The following EFCAB11 variants were observed in gnomAD, a reference collection of about 807,000 sequenced individuals.
The protein encoded by EFCAB11 is EF-hand calcium binding domain 11.
In EFCAB11, 14 loss-of-function variants were observed where a neutral mutation model predicts 23.0. The ratio of observed to expected loss-of-function variants is 0.61; its 90% CI spans 0.40 to 0.95. EFCAB11 has a LOEUF of 0.95. Ranked by LOEUF, EFCAB11 falls within the 40% of genes least tolerant of loss-of-function variation. The pLI is 0.00. For synonymous variants in EFCAB11, 65 were observed against 66.6 expected, an observed-to-expected ratio of 0.98 and a Z score of 0.11; for missense variants, 198 against 195.8, an observed-to-expected ratio of 1.01 and a Z score of -0.07.
chr14:89,823,228 A>G lies in EFCAB11; in HGVS notation c.411-25904T>C, dbSNP rs8021351. Among the ~76,000 whole-genome samples the G allele has an allele frequency of 6.5e-3, 996 of 152,330 alleles. 8 individuals carry two copies. Among genetic ancestry groups the G allele is most frequent in the African/African-American group, 0.023 (958 of 41,576 alleles). On this transcript the variant is annotated intron_variant, in intron 5 of 5. Coordinates refer to ENST00000316738, the MANE Select transcript of EFCAB11 (RefSeq NM_145231.4). ...TGCAGAGGATCACATGAAAAGGAAT[A>G]TGGGCATCCACCAGGGCCAGAGAGT...
chr14:89,847,191 T>A (rs1023944148), intron 5 of EFCAB11, among the ~76,000 whole-genome samples: 1 of 152,220 alleles, frequency 6.6e-6, no homozygotes, highest in African/African-American at 2.4e-5. Context: ...ATAACCTTTT[T>A]AAATTCTTAC....
At chr14:89,938,348 A>G (rs1890666795) in intron 3 of EFCAB11, among the ~76,000 whole-genome samples, 1 of 152,218 alleles carries the variant, frequency 6.6e-6, no homozygotes, top group Non-Finnish European at 1.5e-5. Context: ...CAAAAGACAT[A>G]ATGCCTTCTC....
At chr14:89,815,068 T>C (rs1663222282) in intron 5 of EFCAB11, among the ~76,000 whole-genome samples, 1 of 152,186 alleles carries the variant, frequency 6.6e-6, no homozygotes, top group African/African-American at 2.4e-5. Flanking sequence ...ATGACTTTGG[T>C]GTGCAGTTAG....
At chr14:89,841,034 G>A (rs1255117922) in intron 5 of EFCAB11, among the ~76,000 whole-genome samples, 1 of 152,112 alleles carries the variant, frequency 6.6e-6, no homozygotes, top group South Asian at 2.1e-4. Context: ...CCAGTCTCCC[G>A]TGTCTTCTTC....
chr14:89,838,563 A>G (rs1451076281), intron 5 of EFCAB11, among the ~76,000 whole-genome samples: 4 of 152,168 alleles, frequency 2.6e-5, no homozygotes, highest in Admixed American at 2.6e-4. Context: ...TAATGCTGCA[A>G]ATATCAGATT....
At chr14:89,920,927 T>C (rs892438132) in intron 5 of EFCAB11, among the ~76,000 whole-genome samples, 1 of 151,814 alleles carries the variant, frequency 6.6e-6, no homozygotes, top group Non-Finnish European at 1.5e-5. Flanking sequence ...TAGCTGCGCA[T>C]AGTGGTGGGC....
At chr14:89,841,518 T>C (rs1038976192) in intron 5 of EFCAB11, among the ~76,000 whole-genome samples, 1 of 151,928 alleles carries the variant, frequency 6.6e-6, no homozygotes, top group African/African-American at 2.4e-5. Context: ...TCTACTGATA[T>C]TGTTCTGGAA....
intron 5 of EFCAB11, among the ~76,000 whole-genome samples, chr14:89,887,111 G>C (rs1487491119): frequency 6.6e-6 from 1 of 152,160 alleles, no homozygotes; most frequent in Non-Finnish European, 1.5e-5. Flanking sequence ...TTCAAGAACA[G>C]ACAACATCAC....
intron 5 of EFCAB11, among the ~76,000 whole-genome samples, chr14:89,871,645 T>C (rs10144047): frequency 0.022 from 3,333 of 152,328 alleles, 153 homozygotes; most frequent in African/African-American, 0.075. Context: ...AGTTTTCCCA[T>C]GTTACTAATG....
intron 5 of EFCAB11, among the ~76,000 whole-genome samples, chr14:89,842,612 GAT>G (rs1251467666): frequency 6.7e-6 from 1 of 149,484 alleles, no homozygotes; most frequent in Non-Finnish European, 1.5e-5. Context: ...GATATGATAT[GAT>G]ATGATATGAT....
chr14:89,951,249 T>C (rs1369606908), intron 2 of EFCAB11, among the ~76,000 whole-genome samples: 1 of 152,206 alleles, frequency 6.6e-6, no homozygotes, highest in Non-Finnish European at 1.5e-5. Flanking sequence ...TTTCTCTTAA[T>C]TGGTGGCATT....
At chr14:89,925,949 C>T (rs1361128996) in intron 5 of EFCAB11, among the ~76,000 whole-genome samples, 1 of 152,126 alleles carries the variant, frequency 6.6e-6, no homozygotes, top group Non-Finnish European at 1.5e-5. Context: ...GTGCCTCAGC[C>T]TCCTGAGTAG....
chr14:89,860,848 G>C (rs536670969), intron 5 of EFCAB11, among the ~76,000 whole-genome samples: 2 of 152,180 alleles, frequency 1.3e-5, no homozygotes, highest in African/African-American at 4.8e-5. Context: ...GTCAGTTAAG[G>C]AGTAAATTTC....
intron 2 of EFCAB11, among the ~76,000 whole-genome samples, chr14:89,952,918 C>T (rs950244655): frequency 6.6e-6 from 1 of 152,068 alleles, no homozygotes; most frequent in African/African-American, 2.4e-5. Flanking sequence ...CTGACTAATT[C>T]CAGCTTAACA....
At chr14:89,877,808 CCCTT>C (rs1446176791) in intron 5 of EFCAB11, among the ~76,000 whole-genome samples, 1 of 151,980 alleles carries the variant, frequency 6.6e-6, no homozygotes, top group Non-Finnish European at 1.5e-5. Flanking sequence ...CAAAAGGCAC[CCCTT>C]CATATATTAA....
chr14:89,892,356 A>C, intron 5 of EFCAB11: 1 of 1,613,314 alleles, frequency 6.2e-7, no homozygotes, highest in East Asian at 2.2e-5. Flanking sequence ...AAGCTAGAAG[A>C]GGGCTTGGGG....
At chr14:89,883,317 A>G (rs144835492) in intron 5 of EFCAB11, among the ~76,000 whole-genome samples, 1 of 152,370 alleles carries the variant, frequency 6.6e-6, no homozygotes, top group Non-Finnish European at 1.5e-5. Context: ...TCACAAAAGA[A>G]ATACTGCCAT....
At chr14:89,924,616 G>A (rs1158422553) in intron 5 of EFCAB11, 1 of 1,535,214 alleles carries the variant, frequency 6.5e-7, no homozygotes, top group Non-Finnish European at 8.7e-7. Context: ...GCAAAGTCAA[G>A]AAAGAACTTT....
intron 5 of EFCAB11, among the ~76,000 whole-genome samples, chr14:89,845,917 G>C (rs12896433): frequency 2.6e-5 from 4 of 151,912 alleles, no homozygotes; most frequent in African/African-American, 7.3e-5. Context: ...GGCTGACTTA[G>C]GTCTCCCCAG....
Sources: gnomAD v4.1 joint callset for allele counts (sites outside exome capture counted in the v4.1 genomes callset) on GRCh38, gnomAD v4.1.1 for gene constraint, MANE v1.5 for transcripts, NCBI Gene and HGNC (gene_info 2026-07-23, HGNC 2026-07-21) for gene names.